Variants in CUX1 observed in about 807,000 individuals in gnomAD.
CUX1 encodes protein CASP.
CUX1 carries 31 observed loss-of-function variants against 158.8 expected under a neutral mutation model. That is an observed-to-expected ratio of 0.20 (90% CI 0.15 to 0.26). CUX1 has a LOEUF of 0.26. CUX1 is among the 10% of genes least tolerant of loss of function. CUX1 has a pLI of 1.00. For missense variants in CUX1, 1,589 were observed against 2,014.6 expected (o/e 0.79, Z 4.04); for synonymous variants, 879 against 862.1 (o/e 1.02, Z -0.34).
chr7:102,205,012 A>G (rs1213792287), intron 19 of CUX1, 102 bp from the exon 20 acceptor site: 2 of 753,050 alleles, frequency 2.7e-6, no homozygotes, highest in South Asian at 1.8e-5. Context: ...GCCCCTCCCC[A>G]GGAGGAATGG....
chr7:102,240,497 G>A (rs533331816), intron 23 of CUX1, among the ~76,000 whole-genome samples: 1 of 151,778 alleles, frequency 6.6e-6, no homozygotes, highest in African/African-American at 2.4e-5. Flanking sequence ...GCCTCAAGCA[G>A]TCCTACCACC....
At chr7:101,976,968 C>T (rs1204857793) in intron 2 of CUX1, among the ~76,000 whole-genome samples, 1 of 111,462 alleles carries the variant, frequency 9.0e-6, no homozygotes, top group Non-Finnish European at 1.6e-5. Flanking sequence ...GCTGGAGTGT[C>T]GTGGCATGAT....
At chr7:101,906,582 C>T (rs569768720) in intron 1 of CUX1, among the ~76,000 whole-genome samples, 62 of 152,024 alleles carry the variant, frequency 4.1e-4, no homozygotes, top group African/African-American at 1.2e-3. Context: ...GCCAAGCTCA[C>T]GGCGGGCTTT....
At chr7:102,114,690 C>T (rs544898086) in intron 7 of CUX1, among the ~76,000 whole-genome samples, 7 of 152,240 alleles carry the variant, frequency 4.6e-5, no homozygotes, top group Admixed American at 2.0e-4. Flanking sequence ...CCAGCCTGGG[C>T]GACATAGCAA....
intron 1 of CUX1, among the ~76,000 whole-genome samples, chr7:101,837,589 G>A (rs567418951): frequency 2.0e-5 from 3 of 152,144 alleles, no homozygotes; most frequent in African/African-American, 7.2e-5. Flanking sequence ...AGGACTTTGG[G>A]AGGCTGAGGC....
downstream of CUX1, among the ~76,000 whole-genome samples, chr7:102,259,147 T>C (rs935844356): frequency 1.2e-4 from 19 of 152,310 alleles, no homozygotes; most frequent in Middle Eastern, 3.4e-3. Flanking sequence ...CTCCCTCCAG[T>C]GGGAGAACCC....
chr7:101,932,633 C>T (rs1238364116), intron 2 of CUX1: 2 of 454,212 alleles, frequency 4.4e-6, no homozygotes, highest in African/African-American at 4.0e-5. Context: ...GTGATAGCTT[C>T]TGTTTCCTTG....
At chr7:102,000,371 A>T (rs1227348554) in intron 2 of CUX1, among the ~76,000 whole-genome samples, 1 of 152,230 alleles carries the variant, frequency 6.6e-6, no homozygotes, top group Non-Finnish European at 1.5e-5. Context: ...ACTTGTCCAC[A>T]AAACCACTTC....
At chr7:102,247,952 G>C (rs1298345257) in intron 23 of CUX1, among the ~76,000 whole-genome samples, 1 of 152,184 alleles carries the variant, frequency 6.6e-6, no homozygotes, top group African/African-American at 2.4e-5. Context: ...CCAACATGGT[G>C]AAACCCCATC....
intron 3 of CUX1, among the ~76,000 whole-genome samples, chr7:102,032,176 G>A (rs1039217232): frequency 7.9e-5 from 12 of 151,666 alleles, no homozygotes; most frequent in Non-Finnish European, 1.3e-4. Flanking sequence ...TGATCCGCCC[G>A]CCTCAGCCTC....
At chr7:102,065,150 T>C (rs886151537) in intron 3 of CUX1, among the ~76,000 whole-genome samples, 1 of 151,644 alleles carries the variant, frequency 6.6e-6, no homozygotes, top group Non-Finnish European at 1.5e-5. Context: ...GGCTCAATCA[T>C]AGCTCACTCC....
chr7:101,963,653 T>C (rs1810785478), intron 2 of CUX1, among the ~76,000 whole-genome samples: 1 of 151,770 alleles, frequency 6.6e-6, no homozygotes, highest in Non-Finnish European at 1.5e-5. Context: ...AGCCTATGTA[T>C]ATATATATAT....
At chr7:102,260,151 T>C (rs1292549177), downstream of CUX1, among the ~76,000 whole-genome samples, 2 of 150,516 alleles carry the variant, frequency 1.3e-5, no homozygotes, top group Admixed American at 6.6e-5. Flanking sequence ...CCTCAGAAAG[T>C]TGAGACAGGA....
intron 14 of CUX1, among the ~76,000 whole-genome samples, chr7:102,264,167 G>A (rs113503137): frequency 6.6e-6 from 1 of 151,024 alleles, no homozygotes; most frequent in Non-Finnish European, 1.5e-5. Flanking sequence ...CACCGCGCCC[G>A]GCTAATTTTT....
At chr7:101,893,556 G>C (rs1379382822) in intron 1 of CUX1, among the ~76,000 whole-genome samples, 5 of 152,246 alleles carry the variant, frequency 3.3e-5, no homozygotes, top group Non-Finnish European at 5.9e-5. Context: ...CATTTGAGCA[G>C]CCAAGCATCC....
At position 102,229,363 on chromosome 7, in the gene CUX1, C is replaced by T. The variant is rs1319765253; in HGVS notation, c.3433+1694C>T. Among the ~76,000 whole-genome samples, 5 of 149,404 alleles carry T rather than the reference C, an allele frequency of 3.3e-5. No individual in the cohort carries two copies. The South Asian group carries it at 8.5e-4, about 25-fold the overall frequency. On this transcript the variant is annotated intron_variant, in intron 21 of 23. Transcript: ENST00000292535. ...TGTCGCCCAGGCTGGAGTGCAGTGG[C>T]GCAACCTCAGCTTACTACAGCCTCT...
At chr7:101,840,830 T>G (rs1449109828) in intron 1 of CUX1, among the ~76,000 whole-genome samples, 2 of 152,068 alleles carry the variant, frequency 1.3e-5, no homozygotes, top group African/African-American at 4.8e-5. Flanking sequence ...TGGGAGGCAT[T>G]TAACATTTCA....
chr7:102,011,413 AT>A (rs1480334228), intron 2 of CUX1, among the ~76,000 whole-genome samples: 4 of 151,412 alleles, frequency 2.6e-5, no homozygotes, highest in African/African-American at 9.7e-5. Flanking sequence ...TGGTGATGGG[AT>A]TTTGGAGACA....
chr7:102,020,396 A>G (rs1429051723), intron 2 of CUX1, among the ~76,000 whole-genome samples: 1 of 152,230 alleles, frequency 6.6e-6, no homozygotes, highest in African/African-American at 2.4e-5. Flanking sequence ...GTTGAGGTCT[A>G]CAGTCCACAT....
Sources: gnomAD v4.1 joint callset for allele counts (sites outside exome capture counted in the v4.1 genomes callset) on GRCh38, gnomAD v4.1.1 for gene constraint, MANE v1.5 for transcripts, NCBI Gene and HGNC (gene_info 2026-07-23, HGNC 2026-07-21) for gene names.